The following EXT1 variants were observed in gnomAD, a reference collection of about 807,000 sequenced individuals.
The protein encoded by EXT1 is exostosin-1.
In EXT1, 20 loss-of-function variants were observed where a neutral mutation model predicts 82.5. The observed-to-expected ratio is 0.24, with a 90% CI of 0.17 to 0.35. The LOEUF (loss-of-function observed/expected upper bound fraction) is 0.35. Ranked by LOEUF, EXT1 falls within the 10% of genes least tolerant of loss-of-function variation. The probability of loss-of-function intolerance (pLI) is 1.00; values close to 1 mark genes in which losing one functional copy is unlikely to be tolerated. For synonymous variants in EXT1, 348 were observed against 350.8 expected, an observed-to-expected ratio of 0.99 and a Z score of 0.09; for missense variants, 757 against 936.5, an observed-to-expected ratio of 0.81 and a Z score of 2.50.
At chr8:118,060,322 C>T (rs551178658) in intron 1 of EXT1, among the ~76,000 whole-genome samples, 4 of 152,266 alleles carry the variant, frequency 2.6e-5, no homozygotes, top group African/African-American at 4.8e-5. Context: ...TTTGGACCTC[C>T]GACTTTTTCG....
intron 1 of EXT1, among the ~76,000 whole-genome samples, chr8:118,057,473 GGCAAAGGTT>G (rs1490072262): frequency 3.9e-5 from 6 of 152,218 alleles, no homozygotes; most frequent in Non-Finnish European, 8.8e-5. Context: ...CCAGGAGGGA[GGCAAAGGTT>G]GCAGTGAGCC....
At chr8:117,947,800 G>T (rs1423481736) in intron 1 of EXT1, among the ~76,000 whole-genome samples, 1 of 152,138 alleles carries the variant, frequency 6.6e-6, no homozygotes, top group Non-Finnish European at 1.5e-5. Context: ...AACCCTATTG[G>T]AAGCAAAAAC....
chr8:117,830,113 A>T, intron 4 of EXT1, 117 bp downstream of exon 4: 1 of 1,305,494 alleles, frequency 7.7e-7, no homozygotes. Context: ...ATCCAAGTAC[A>T]GGAATCTGGT....
In EXT1 at chr8:117,799,797, T is replaced by C. The variant is rs751787859; in HGVS notation, c.2156A>G (p.His719Arg). 6.2e-7 allele frequency: 1 copy of C among 1,613,838 alleles called. No homozygotes were observed. The highest frequency in any genetic ancestry group is 8.5e-7 in the Non-Finnish European group (1 of 1,179,986). ...GACGGGGTCGAGCCTCATCTGAGAG[T>C]GGATCAGCGGCATGTAGCCAAACCA... ...ASWFGYMPLIHSQMRLDPVLF... is the reference protein window; with the variant it reads ...ASWFGYMPLIRSQMRLDPVLF... The change falls in exon 11 of 11, where the codon CAC becomes CGC. Residue 719 changes from histidine (H) to arginine (R), a missense_variant. His to Arg is a conservative substitution (Grantham distance 29). Coordinates refer to ENST00000378204, the MANE Select transcript of EXT1 (RefSeq NM_000127.3).
At chr8:118,086,093 C>A (rs1459320330) in intron 1 of EXT1, among the ~76,000 whole-genome samples, 1 of 152,116 alleles carries the variant, frequency 6.6e-6, no homozygotes, top group African/African-American at 2.4e-5. Context: ...CAATCCTCAT[C>A]TTTTAAAAAT....
chr8:117,904,987 T>C lies in EXT1; in HGVS notation c.963-67786A>G, dbSNP rs1048907192. ...GGTCAAGCTGGACATTTAAGATGTGTGAACTTTTTTTGGATATATATTATG... is the reference window on the plus strand; with the variant it reads ...GGTCAAGCTGGACATTTAAGATGTGCGAACTTTTTTTGGATATATATTATG... On this transcript the variant is annotated intron_variant, in intron 1 of 10. Coordinates refer to ENST00000378204, the MANE Select transcript of EXT1 (RefSeq NM_000127.3). 1.4e-4 allele frequency among the ~76,000 whole-genome samples: 22 copies of C among 152,198 alleles called. 1 individual carries two copies. The highest frequency in any genetic ancestry group is 5.1e-4 in the African/African-American group (21 of 41,446).
chr8:118,099,004 T>C lies in EXT1; in HGVS notation c.962+11081A>G, dbSNP rs902790640. Among the ~76,000 whole-genome samples the C allele has an allele frequency of 5.3e-5, 8 of 152,358 alleles. No individual in the cohort carries two copies. The South Asian group carries it at 1.2e-3, about 24-fold the overall frequency. ...TCTTACTCTTAAGACCATCAGTATA[T>C]TTTATTAATCATACGGTTTTCAAAA... is the stretch of plus-strand genomic sequence containing the variant. On this transcript the variant is annotated intron_variant, in intron 1 of 10. Transcript: ENST00000378204.
At chr8:117,895,977 T>A (rs976662188) in intron 1 of EXT1, among the ~76,000 whole-genome samples, 9 of 152,246 alleles carry the variant, frequency 5.9e-5, no homozygotes, top group South Asian at 2.1e-4. Flanking sequence ...CACATGGGTT[T>A]CTGAAATACA....
intron 6 of EXT1, 39 bp from the exon 7 acceptor site, chr8:117,818,569 T>C (rs758748346): frequency 4.1e-6 from 6 of 1,461,856 alleles, no homozygotes; most frequent in Non-Finnish European, 5.8e-6. Flanking sequence ...TGGGGTAGGA[T>C]GTATTTATGT....
intron 1 of EXT1, among the ~76,000 whole-genome samples, chr8:117,954,787 G>C (rs968662255): frequency 4.6e-5 from 7 of 152,136 alleles, no homozygotes; most frequent in Non-Finnish European, 8.8e-5. Flanking sequence ...AAACTTATGG[G>C]TTTCTTCCCC....
chr8:118,014,118 C>T (rs1393193405), intron 1 of EXT1, among the ~76,000 whole-genome samples: 1 of 152,178 alleles, frequency 6.6e-6, no homozygotes, highest in East Asian at 1.9e-4. Context: ...CTAATATTGA[C>T]AGTTTCATTT....
In EXT1 at chr8:118,039,552, C is replaced by T. The variant is rs527874996; in HGVS notation, c.962+70533G>A. 3.9e-3 allele frequency among the ~76,000 whole-genome samples: 409 copies of T among 105,986 alleles called. 2 individuals are homozygous for T. Among genetic ancestry groups the T allele is most frequent in the Non-Finnish European group, 5.9e-3 (329 of 55,668 alleles). 69.5% of individuals were successfully genotyped at this position (105,986 alleles called of 152,430 possible). A position where few individuals can be genotyped will look rare whatever the true frequency, so the allele number is the denominator to read the frequency against. On this transcript the variant is annotated intron_variant, in intron 1 of 10. Transcript: ENST00000378204. ...TCCAGCCTGGACAAGAGAGAGACTC[C>T]GTCACAAAAAAAAAAAAAAAAAAAA...
At position 118,079,303 on chromosome 8, in the gene EXT1, T is replaced by C. The variant is rs528130066; in HGVS notation, c.962+30782A>G. Among the ~76,000 whole-genome samples the C allele has an allele frequency of 1.5e-4, 23 of 152,344 alleles. 1 individual carries two copies. The highest frequency in any genetic ancestry group is 1.4e-3 in the South Asian group (7 of 4,830). On this transcript the variant is annotated intron_variant, in intron 1 of 10. Transcript: ENST00000378204. ...ATGGGAAGATACTAATTTTTCACCA[T>C]GTCCACAAGTTGGAGGCTAATTTCC...
At chr8:118,078,967 T>TA in intron 1 of EXT1, among the ~76,000 whole-genome samples, 1 of 152,160 alleles carries the variant, frequency 6.6e-6, no homozygotes, top group East Asian at 1.9e-4. Flanking sequence ...TAAGTTCCAT[T>TA]AAAAGAGAAG....
chr8:118,087,812 A>G (rs891419122), intron 1 of EXT1, among the ~76,000 whole-genome samples: 5 of 152,138 alleles, frequency 3.3e-5, no homozygotes, highest in African/African-American at 1.2e-4. Flanking sequence ...CCTGGTAGAA[A>G]CAAGCCCATT....
Position 117,952,676 on chromosome 8 carries a change from C to T in EXT1, c.963-115475G>A, listed in dbSNP as rs559326303. ...ACTTGGGAGGCTGAGGCACAAGAATCGCTTGAACCAGGAGGCGGAGGTTAC... is the reference window on the plus strand; with the variant it reads ...ACTTGGGAGGCTGAGGCACAAGAATTGCTTGAACCAGGAGGCGGAGGTTAC... On this transcript the variant is annotated intron_variant, in intron 1 of 10. Coordinates refer to ENST00000378204, the MANE Select transcript of EXT1 (RefSeq NM_000127.3). Among the ~76,000 whole-genome samples, 45 of 152,048 alleles carry T rather than the reference C, an allele frequency of 3.0e-4. No individual in the cohort carries two copies. The South Asian group carries it at 8.3e-3, about 28-fold the overall frequency.
chr8:117,804,605 C>T (rs1203660160), intron 10 of EXT1, 117 bp downstream of exon 10: 1 of 1,130,040 alleles, frequency 8.8e-7, no homozygotes, highest in African/African-American at 1.5e-5. Flanking sequence ...TAGTTCATTC[C>T]TGGTTTCTCC....
intron 1 of EXT1, among the ~76,000 whole-genome samples, chr8:117,929,303 C>A (rs1814006266): frequency 6.6e-6 from 1 of 152,140 alleles, no homozygotes; most frequent in Non-Finnish European, 1.5e-5. Flanking sequence ...AAAGATGATC[C>A]ACAGGCAGAA....
intron 1 of EXT1, among the ~76,000 whole-genome samples, chr8:118,076,801 A>G (rs17505995): frequency 0.023 from 3,518 of 152,320 alleles, 137 homozygotes; most frequent in African/African-American, 0.08. Context: ...ATTGACTGCA[A>G]CTGGATGAAA....
Sources: gnomAD v4.1 joint callset for allele counts (sites outside exome capture counted in the v4.1 genomes callset) on GRCh38, gnomAD v4.1.1 for gene constraint, MANE v1.5 for transcripts, NCBI Gene and HGNC (gene_info 2026-07-23, HGNC 2026-07-21) for gene names.